Variants in SIK2 observed in about 807,000 individuals in gnomAD.
SIK2 encodes serine/threonine-protein kinase SIK2.
Under a neutral mutation model 103.2 loss-of-function variants are expected in SIK2, and 29 were observed. That is an observed-to-expected ratio of 0.28 (90% CI 0.21 to 0.38). SIK2 has a LOEUF of 0.38. SIK2 is among the 10% of genes least tolerant of loss of function. The pLI is 1.00. For missense variants in SIK2, 879 were observed against 1,171.0 expected (o/e 0.75, Z 3.64); for synonymous variants, 412 against 446.1 (o/e 0.92, Z 0.96).
intron 3 of SIK2, among the ~76,000 whole-genome samples, chr11:111,640,070 C>T (rs1273305960): frequency 2.0e-5 from 3 of 152,202 alleles, no homozygotes; most frequent in Admixed American, 1.3e-4. Context: ...ACTAATAAGA[C>T]TGTTGACTGT....
rs1941602435 is a variant in SIK2 at position 111,602,884 on chromosome 11, G to C, written c.135+186G>C. On this transcript the variant is annotated intron_variant, in intron 1 of 14. Coordinates refer to ENST00000304987, the MANE Select transcript of SIK2 (RefSeq NM_015191.3). The surrounding 1 kb of genome is among the most constrained non-coding windows in gnomAD (Gnocchi z 4.5). ...GGGGTCGGTGAGCAGCGAAGGGATC[G>C]GGCCCGGGCACCCGGACCCGAGTGT... Among the ~76,000 whole-genome samples, 1 of 152,136 alleles carries C rather than the reference G, an allele frequency of 6.6e-6. No individual in the cohort carries two copies. The highest frequency in any genetic ancestry group is 2.1e-4 in the South Asian group (1 of 4,828).
chr11:111,700,427 A>C (rs933960950), intron 4 of SIK2, among the ~76,000 whole-genome samples: 2 of 152,200 alleles, frequency 1.3e-5, no homozygotes, highest in African/African-American at 4.8e-5. Flanking sequence ...TTCAAGGGTT[A>C]TATATCTGGG....
intron 3 of SIK2, among the ~76,000 whole-genome samples, chr11:111,624,655 AT>A (rs1288104591): frequency 6.6e-6 from 1 of 152,266 alleles, no homozygotes; most frequent in Non-Finnish European, 1.5e-5. Flanking sequence ...ATAGACAAAA[AT>A]CTCTACTCTT....
intron 3 of SIK2, among the ~76,000 whole-genome samples, chr11:111,640,736 T>TA (rs1188046934): frequency 7.8e-6 from 1 of 128,808 alleles, no homozygotes; most frequent in Admixed American, 8.1e-5. Flanking sequence ...TTTTTTTTTT[T>TA]TTTTTTTTTT....
At chr11:111,650,506 A>G (rs1460603972) in intron 3 of SIK2, among the ~76,000 whole-genome samples, 1 of 152,178 alleles carries the variant, frequency 6.6e-6, no homozygotes, top group Admixed American at 6.5e-5. Flanking sequence ...TTGTAATGAT[A>G]TGATGCTCTA....
chr11:111,625,195 A>C (rs987680779), intron 3 of SIK2, among the ~76,000 whole-genome samples: 17 of 152,180 alleles, frequency 1.1e-4, no homozygotes, highest in African/African-American at 4.1e-4. Context: ...GGATTTCAGC[A>C]CAGAAGTGAC....
At chr11:111,657,632 G>A (rs893085771) in intron 3 of SIK2, among the ~76,000 whole-genome samples, 22 of 152,014 alleles carry the variant, frequency 1.4e-4, no homozygotes, top group Admixed American at 3.3e-4. Flanking sequence ...CAAGCGATCC[G>A]CCTGCCCTGG....
intron 3 of SIK2, among the ~76,000 whole-genome samples, chr11:111,626,791 T>C (rs1183737774): frequency 6.6e-6 from 1 of 152,128 alleles, no homozygotes; most frequent in Non-Finnish European, 1.5e-5. Context: ...TGTACTGTAC[T>C]CTGTTATCAT....
chr11:111,606,132 A>G (rs1941645563), intron 1 of SIK2, among the ~76,000 whole-genome samples: 1 of 152,214 alleles, frequency 6.6e-6, no homozygotes, highest in Non-Finnish European at 1.5e-5. Flanking sequence ...ATACAGTATT[A>G]GGAAATAACT....
At chr11:111,664,494 T>G (rs1181387286) in intron 3 of SIK2, among the ~76,000 whole-genome samples, 1 of 152,140 alleles carries the variant, frequency 6.6e-6, no homozygotes, top group Non-Finnish European at 1.5e-5. Context: ...CACACGCCTG[T>G]AGTCCCAGCT....
At chr11:111,679,702 C>T (rs1377211492) in intron 3 of SIK2, among the ~76,000 whole-genome samples, 1 of 152,194 alleles carries the variant, frequency 6.6e-6, no homozygotes, top group East Asian at 1.9e-4. Context: ...GTACATATAT[C>T]AGTGTGCTAA....
chr11:111,682,337 G>A (rs751768458), intron 3 of SIK2, among the ~76,000 whole-genome samples: 6 of 152,094 alleles, frequency 3.9e-5, no homozygotes, highest in Admixed American at 2.0e-4. Flanking sequence ...CAGTGGCATA[G>A]GAAAAAGGGG....
intron 3 of SIK2, among the ~76,000 whole-genome samples, chr11:111,645,513 A>T (rs1942243437): frequency 6.6e-6 from 1 of 152,198 alleles, no homozygotes; most frequent in African/African-American, 2.4e-5. Context: ...GTGCGTAGTA[A>T]AATTACTTTT....
chr11:111,700,053 C>T (rs552916136), intron 4 of SIK2, among the ~76,000 whole-genome samples: 6 of 152,248 alleles, frequency 3.9e-5, no homozygotes, highest in Admixed American at 2.0e-4. Flanking sequence ...TTTGTTTCTT[C>T]GGTAAGAATA....
chr11:111,643,103 A>G (rs1942206550), intron 3 of SIK2, among the ~76,000 whole-genome samples: 1 of 151,972 alleles, frequency 6.6e-6, no homozygotes, highest in African/African-American at 2.4e-5. Context: ...TACTATTATT[A>G]TTGGTTTATG....
chr11:111,651,988 T>G (rs773391794), intron 3 of SIK2, among the ~76,000 whole-genome samples: 20 of 152,202 alleles, frequency 1.3e-4, no homozygotes, highest in Non-Finnish European at 2.2e-4. Context: ...AGGAGTCAAT[T>G]CTTTGTACAA....
chr11:111,696,253 T>C (rs1384208533), intron 4 of SIK2, among the ~76,000 whole-genome samples: 1 of 152,194 alleles, frequency 6.6e-6, no homozygotes, highest in Non-Finnish European at 1.5e-5. Context: ...AAAAGGAACA[T>C]GTGACAAAAC....
chr11:111,668,179 AGT>A (rs112931431), intron 3 of SIK2, among the ~76,000 whole-genome samples: 2,575 of 151,114 alleles, frequency 0.017, 74 homozygotes, highest in African/African-American at 0.059. Context: ...TAAAGTAAGG[AGT>A]GTGTGTGTGT....
chr11:111,721,683 C>T, intron 12 of SIK2, 147 bp from the exon 13 acceptor site: 1 of 565,492 alleles, frequency 1.8e-6, no homozygotes, highest in Non-Finnish European at 3.1e-6. Flanking sequence ...GAGCCCTCAG[C>T]CTACTGGCTC....
Sources: allele counts gnomAD v4.1 joint callset (sites outside exome capture counted in the v4.1 genomes callset), GRCh38; gene constraint gnomAD v4.1.1; non-coding constraint Gnocchi (gnomAD v3.1); transcripts MANE v1.5; gene names NCBI Gene and HGNC (gene_info 2026-07-23, HGNC 2026-07-21).